Variants in CA6 observed in about 807,000 individuals in gnomAD.
CA6 encodes the protein carbonate dehydratase VI.
CA6 carries 28 observed loss-of-function variants against 35.9 expected under a neutral mutation model. That is an observed-to-expected ratio of 0.78 (90% CI 0.58 to 1.07). The LOEUF (loss-of-function observed/expected upper bound fraction) is 1.07, where lower values mean the gene tolerates loss of function less well. Ranked by LOEUF, CA6 falls within the 50% of genes least tolerant of loss-of-function variation. CA6 has a pLI of 0.00. For synonymous variants in CA6, 148 were observed against 152.6 expected, an observed-to-expected ratio of 0.97 and a Z score of 0.22; for missense variants, 377 against 382.0, an observed-to-expected ratio of 0.99 and a Z score of 0.11.
At chr1:8,972,333 GA>G (rs1196905686) in intron 7 of CA6, among the ~76,000 whole-genome samples, 4 of 151,820 alleles carry the variant, frequency 2.6e-5, no homozygotes, top group Admixed American at 2.6e-4. Context: ...TTATAAGCAC[GA>G]GCCACCTCGT....
chr1:8,965,014 C>T (rs967338801), intron 5 of CA6, among the ~76,000 whole-genome samples: 5 of 152,032 alleles, frequency 3.3e-5, no homozygotes, highest in South Asian at 2.1e-4. Context: ...GAGGCGGAGG[C>T]GGGCTGATCA....
intron 2 of CA6, chr1:8,951,440 T>C (rs1223713036): frequency 1.3e-6 from 1 of 763,892 alleles, no homozygotes; most frequent in Admixed American, 1.7e-5. Flanking sequence ...GGCGGAACTC[T>C]TCCTCCCCTC....
chr1:8,965,251 G>A (rs560176759), intron 5 of CA6, among the ~76,000 whole-genome samples: 3 of 151,754 alleles, frequency 2.0e-5, no homozygotes, highest in Non-Finnish European at 4.4e-5. Context: ...CTCAAACAAC[G>A]ACAACAACAA....
chr1:8,959,498 A>G (rs1639778053), intron 4 of CA6, among the ~76,000 whole-genome samples: 1 of 151,878 alleles, frequency 6.6e-6, no homozygotes, highest in Admixed American at 6.6e-5. Context: ...TATTTTTAGT[A>G]GAGACGGGTT....
At chr1:8,950,342 G>A (rs1199047889) in intron 2 of CA6, among the ~76,000 whole-genome samples, 14 of 152,076 alleles carry the variant, frequency 9.2e-5, no homozygotes, top group Non-Finnish European at 1.5e-5. Context: ...TTTCCAAGTT[G>A]GCTCGACTCC....
intron 7 of CA6, chr1:8,974,283 A>G (rs1640206598): frequency 2.1e-5 from 24 of 1,137,038 alleles, no homozygotes; most frequent in Non-Finnish European, 2.9e-5. Flanking sequence ...TTACAAAAAC[A>G]AGACGATGGC....
intron 6 of CA6, 139 bp downstream of exon 6, chr1:8,967,955 T>A: frequency 1.8e-6 from 1 of 545,506 alleles, no homozygotes; most frequent in Non-Finnish European, 3.0e-6. Flanking sequence ...GTGCCTCGTC[T>A]AGCCAACCTT....
intron 7 of CA6, among the ~76,000 whole-genome samples, chr1:8,973,713 T>TC (rs1491364705): frequency 7.3e-4 from 6 of 8,214 alleles, no homozygotes; most frequent in East Asian, 6.4e-3. Flanking sequence ...TTTCTCTCTC[T>TC]TTCTTTCTTT....
chr1:8,966,556 C>A (rs1352243769), intron 5 of CA6, among the ~76,000 whole-genome samples: 1 of 152,146 alleles, frequency 6.6e-6, no homozygotes, highest in East Asian at 1.9e-4. Context: ...ATCTTGAAAT[C>A]TTCCAATAAT....
Position 8,968,922 on chromosome 1 carries a change from G to A in CA6, c.729+1106G>A, listed in dbSNP as rs143754803. Reference sequence around the variant, plus strand: ...AATCCCAGCTACCCCAGAGGCTGAGGTGGAAGAATCACTTGAACCTGGGAC... The same window carrying A: ...AATCCCAGCTACCCCAGAGGCTGAGATGGAAGAATCACTTGAACCTGGGAC... On this transcript the variant is annotated intron_variant, in intron 6 of 7. Transcript: ENST00000377443. 1.1e-3 allele frequency among the ~76,000 whole-genome samples: 171 copies of A among 152,076 alleles called. 4 individuals are homozygous for A. The highest frequency in any genetic ancestry group is 0.011 in the East Asian group (55 of 5,166).
intron 1 of CA6, 138 bp from the exon 2 acceptor site, chr1:8,949,125 G>A (rs1305129859): frequency 3.5e-6 from 2 of 569,896 alleles, no homozygotes; most frequent in Non-Finnish European, 5.9e-6. Context: ...CCTTCTGGGG[G>A]ACCTGCTTCT....
At position 8,951,527 on chromosome 1, in the gene CA6, T is replaced by A. The variant is rs3765968; in HGVS notation, c.259+2085T>A. ...GCTTTGTTCACCCTCCCTGGACAGCTGGTGGGAAGCAATCATTGATGGAGG... is the reference window on the plus strand; with the variant it reads ...GCTTTGTTCACCCTCCCTGGACAGCAGGTGGGAAGCAATCATTGATGGAGG... On this transcript the variant is annotated intron_variant, in intron 2 of 7. Transcript: ENST00000377443. 5.2e-6 allele frequency: 4 copies of A among 764,656 alleles called. No individual in the cohort carries two copies. In the South Asian group the frequency reaches 5.4e-5, roughly 10 times the overall value. The allele number at this position is 764,656 out of a possible 1,614,324, so 47.4% of individuals were successfully genotyped here.
intron 2 of CA6, among the ~76,000 whole-genome samples, chr1:8,955,616 G>C (rs12741044): frequency 0.61 from 91,439 of 149,984 alleles, 28,692 homozygotes; most frequent in Middle Eastern, 0.69. Flanking sequence ...CACTGACCTT[G>C]CACGCCTCCT....
At position 8,963,893 on chromosome 1, in the gene CA6, C is replaced by G. The variant is rs1304424500; in HGVS notation, c.571+1237C>G. Among the ~76,000 whole-genome samples, 2 of 152,112 alleles carry G rather than the reference C, an allele frequency of 1.3e-5. No homozygotes were observed. Among genetic ancestry groups the G allele is most frequent in the African/African-American group, 4.8e-5 (2 of 41,402 alleles). On this transcript the variant is annotated intron_variant, in intron 5 of 7. Transcript: ENST00000377443. The surrounding 1 kb of genome is among the most constrained non-coding windows in gnomAD (Gnocchi z 4.1). ...ACAAATATGAACAGTGCCCAGAAAT[C>G]CTAAAGTATCACGCTGGGCATTTTC...
chr1:8,947,003 C>T (rs1044107280), intron 1 of CA6, among the ~76,000 whole-genome samples: 2 of 151,876 alleles, frequency 1.3e-5, no homozygotes, highest in Admixed American at 1.3e-4. Context: ...GGGGTTTTAC[C>T]ACGTTGGCCA....
chr1:8,973,784 C>CTTTCTTCTTTCTTTCT lies in CA6; in HGVS notation c.845-835_845-834insCTTCTTTCTTTCTTTT, dbSNP rs375258281. Among the ~76,000 whole-genome samples the CTTTCTTCTTTCTTTCT allele has an allele frequency of 1.2e-3, 60 of 52,028 alleles. 2 individuals carry two copies. The highest frequency in any genetic ancestry group is 4.1e-3 in the African/African-American group (55 of 13,538). The allele number at this position is 52,028 out of a possible 152,430, so 34.1% of individuals were successfully genotyped here. A position where few individuals can be genotyped will look rare whatever the true frequency, so the allele number is the denominator to read the frequency against. On this transcript the variant is annotated intron_variant, in intron 7 of 7. Transcript: ENST00000377443. ...TCTTTCTTTCTTTCTTTCTTTCTTT[C>CTTTCTTCTTTCTTTCT]TTTTCCCTCCCTCCCTCTCTCTCTC...
intron 5 of CA6, among the ~76,000 whole-genome samples, chr1:8,966,195 C>T (rs1019140402): frequency 3.3e-5 from 5 of 152,100 alleles, no homozygotes; most frequent in African/African-American, 4.8e-5. Flanking sequence ...CTGCAACCTC[C>T]GCCTCCCAAG....
chr1:8,948,727 T>C (rs1156610411), intron 1 of CA6, among the ~76,000 whole-genome samples: 1 of 152,110 alleles, frequency 6.6e-6, no homozygotes, highest in Non-Finnish European at 1.5e-5. Flanking sequence ...CCCAGCACTT[T>C]GGGAGGCCAA....
intron 2 of CA6, among the ~76,000 whole-genome samples, chr1:8,951,196 A>G (rs1274334581): frequency 6.6e-6 from 1 of 151,428 alleles, no homozygotes; most frequent in Admixed American, 6.6e-5. Context: ...AGCCTGGGCA[A>G]CAAGAGCAAA....
Sources: gnomAD v4.1 joint callset for allele counts (sites outside exome capture counted in the v4.1 genomes callset) on GRCh38, gnomAD v4.1.1 for gene constraint, Gnocchi (gnomAD v3.1) non-coding constraint, MANE v1.5 for transcripts, NCBI Gene and HGNC (gene_info 2026-07-23, HGNC 2026-07-21) for gene names.